The following TYMP variants were observed in gnomAD, a reference collection of about 807,000 sequenced individuals.
The protein encoded by TYMP is thymidine phosphorylase.
A neutral mutation model predicts 42.3 loss-of-function variants in TYMP; 46 were observed. The observed-to-expected ratio is 1.09, with a 90% CI of 0.86 to 1.39. The LOEUF (loss-of-function observed/expected upper bound fraction) is 1.39. TYMP is among the 40% of genes most tolerant of loss of function. TYMP has a pLI of 0.00. For synonymous variants in TYMP, 363 were observed against 308.0 expected, an observed-to-expected ratio of 1.18 and a Z score of -1.87; for missense variants, 837 against 677.6, an observed-to-expected ratio of 1.24 and a Z score of -2.61.
At chr22:50,528,634 C>T (rs781276243) in intron 3 of TYMP, 24 bp from the exon 4 acceptor site, 12 of 1,574,912 alleles carry the variant, frequency 7.6e-6, no homozygotes, top group East Asian at 4.5e-5. Context: ...ATGCTGAGTA[C>T]CCTGCACAGT....
intron 6 of TYMP, 124 bp downstream of exon 6, chr22:50,527,041 G>C: frequency 1.2e-6 from 1 of 848,504 alleles, no homozygotes; most frequent in Non-Finnish European, 2.0e-6. Flanking sequence ...ACTTCGGGCA[G>C]AAGAGGGTGG....
chr22:50,529,034 T>A (rs1241630402), intron 3 of TYMP, 102 bp downstream of exon 3: 1 of 1,228,682 alleles, frequency 8.1e-7, no homozygotes, highest in Non-Finnish European at 1.2e-6. Flanking sequence ...GGTAGGGTCT[T>A]GGAGGCTTTG....
In TYMP at chr22:50,528,606, G is replaced by A; in HGVS notation, c.422C>T (p.Pro141Leu). The stretch of plus-strand genomic sequence containing the variant: ...CCCCAGACCACGTCCGCTGATCATT[G>A]GCACCTGGTGGTCAGGGATGCTGAG... Reference protein sequence around the residue: ...PALAACGCKVPMISGRGLGHT... With the variant: ...PALAACGCKVLMISGRGLGHT... The change falls in exon 4 of 10, where the codon CCA becomes CTA. Residue 141 changes from proline (P) to leucine (L), a missense_variant. By Grantham distance (98) the Pro-to-Leu change is moderately conservative. Coordinates refer to ENST00000252029, the MANE Select transcript of TYMP (RefSeq NM_001953.5). 6.2e-7 allele frequency: 1 copy of A among 1,613,152 alleles called. No homozygotes were observed. Among genetic ancestry groups the A allele is most frequent in the Non-Finnish European group, 8.5e-7 (1 of 1,179,630 alleles).
rs2069478315 is a variant in TYMP at position 50,528,569 on chromosome 22, G to T, written c.459C>A (p.Gly153=). Residue 153 remains glycine, a synonymous_variant, in exon 4 of 10, where the codon GGC becomes GGA. Transcript: ENST00000252029. ...GAATAGACTCCAGCTTATCCAAGGTGCCTCCTGTGTGCCCCAGACCACGTC... is the reference window on the plus strand; with the variant it reads ...GAATAGACTCCAGCTTATCCAAGGTTCCTCCTGTGTGCCCCAGACCACGTC... ...ISGRGLGHTG[G]TLDKLESIPG... 2.5e-6 allele frequency: 4 copies of T among 1,613,838 alleles called. No individual in the cohort carries two copies. Among genetic ancestry groups the T allele is most frequent in the Admixed American group, 1.7e-5 (1 of 60,004 alleles).
At chr22:50,527,515 G>GA (rs1569522400) in intron 5 of TYMP, 73 bp downstream of exon 5, 2 of 1,609,402 alleles carry the variant, frequency 1.2e-6, no homozygotes, top group Admixed American at 3.3e-5. Flanking sequence ...AACTCCTAAC[G>GA]AGAGGCCCTT....
Position 50,527,660 on chromosome 22 carries a change from C to T in TYMP, c.574G>A (p.Val192Ile). ...GCATATAGGATTCCGTCCGCAGGAA[C>T]CAGCTGCTCACTCTGACCCACGATA... is the stretch of plus-strand genomic sequence containing the variant. ...CCIVGQSEQLVPADGILYAAR... is the reference protein window; with the variant it reads ...CCIVGQSEQLIPADGILYAAR... Residue 192 changes from valine (V) to isoleucine (I), a missense_variant, in exon 5 of 10, where the codon GTT (valine) becomes ATT (isoleucine). Transcript: ENST00000252029. 3 of 1,613,962 alleles carry T rather than the reference C, an allele frequency of 1.9e-6. No homozygotes were observed. The highest frequency in any genetic ancestry group is 1.7e-5 in the Admixed American group (1 of 60,026).
chr22:50,527,527 A>C, intron 5 of TYMP, 61 bp downstream of exon 5: 1 of 1,613,266 alleles, frequency 6.2e-7, no homozygotes, highest in East Asian at 2.2e-5. Flanking sequence ...GAGGCCCTTG[A>C]CTTGAGTTTG....
intron 4 of TYMP, 184 bp downstream of exon 4, chr22:50,528,328 T>C (rs1476653867): frequency 7.4e-6 from 5 of 675,262 alleles, no homozygotes; most frequent in Non-Finnish European, 1.3e-5. Flanking sequence ...TTTGACCAAC[T>C]TCCCATTTTA....
intron 8 of TYMP, 48 bp from the exon 9 acceptor site, chr22:50,526,189 C>G (rs113802488): frequency 6.8e-7 from 1 of 1,478,060 alleles, no homozygotes; most frequent in Non-Finnish European, 8.9e-7. Context: ...GGGGCGGGGC[C>G]TCGGGAAGGG....
At chr22:50,525,969 T>G in intron 9 of TYMP, 32 bp downstream of exon 9, 1 of 1,372,780 alleles carries the variant, frequency 7.3e-7, no homozygotes. Context: ...TGGGCGGGGG[T>G]GCGGGGCCAG....
chr22:50,525,943 G>A (rs1217932752), intron 9 of TYMP, 25 bp from the exon 10 acceptor site: 2 of 1,426,842 alleles, frequency 1.4e-6, no homozygotes, highest in Non-Finnish European at 1.8e-6. Flanking sequence ...GCTGTTAGAG[G>A]CCGCGCGGCC....
chr22:50,527,285 T>G lies in TYMP; in HGVS notation c.647-2A>C. On this transcript the variant is annotated splice_acceptor_variant, in intron 5 of 9. Coordinates refer to ENST00000252029, the MANE Select transcript of TYMP (RefSeq NM_001953.5). LOFTEE classifies it high-confidence loss of function. ...CGAGTTTCTTACTGAGAATGGAGGC[T>G]TTGGGGGAGGCAGAGGAGGTTGGAG... 1 of 1,608,254 alleles carries G rather than the reference T, an allele frequency of 6.2e-7. No individual in the cohort carries two copies. Among genetic ancestry groups the G allele is most frequent in the Non-Finnish European group, 8.5e-7 (1 of 1,175,142 alleles).
chr22:50,526,269 T>C lies in TYMP; in HGVS notation c.1136A>G (p.Glu379Gly), dbSNP rs1326787456. ...RQLLPRAREQ[E>G]ELLAPADGTV... ...ACCATCTGCGGGCGCCAGCAGCTCC[T>C]CCTGCTCCCGGGCGCGAGGCAGCAG... Residue 379 changes from glutamate (E) to glycine (G), a missense_variant, in exon 8 of 10, where the codon GAG (glutamate) becomes GGG (glycine). Transcript: ENST00000252029. The C allele has an allele frequency of 3.2e-6, 5 of 1,541,476 alleles. No individual in the cohort carries two copies. In the African/African-American group the frequency reaches 5.7e-5, roughly 17 times the overall value.
In TYMP at chr22:50,528,403, C is replaced by T. The variant is rs911129584; in HGVS notation, c.516+109G>A. On this transcript the variant is annotated intron_variant, in intron 4 of 9. Coordinates refer to ENST00000252029, the MANE Select transcript of TYMP (RefSeq NM_001953.5). ...CCCAGTGACTCATGAGTAACCTTGA[C>T]CAGTGTTCTCATTAGTGACCCTAAT... is the stretch of plus-strand genomic sequence containing the variant. 1.2e-5 allele frequency: 11 copies of T among 952,648 alleles called. No homozygotes were observed. In the African/African-American group the frequency reaches 1.3e-4, roughly 11 times the overall value. The allele number at this position is 952,648 out of a possible 1,614,324, so 59.0% of individuals were successfully genotyped here.
At chr22:50,526,782 TCTG>T in intron 6 of TYMP, 44 bp from the exon 7 acceptor site, 1 of 1,525,158 alleles carries the variant, frequency 6.6e-7, no homozygotes, top group South Asian at 1.2e-5. Context: ...GGCGGGGCCT[TCTG>T]CAGCCGGTTC....
chr22:50,529,260 G>C lies in TYMP; in HGVS notation c.293C>G (p.Ser98Trp), dbSNP rs758303113. 1.9e-6 allele frequency: 3 copies of C among 1,613,158 alleles called. No homozygotes were observed. The highest frequency in any genetic ancestry group is 2.7e-5 in the African/African-American group (2 of 74,940). The change falls in exon 3 of 10, where the codon TCG becomes TGG. Residue 98 changes from serine to tryptophan, a missense_variant. By Grantham distance (177) the Ser-to-Trp change is radical (BLOSUM62 -3). Coordinates refer to ENST00000252029, the MANE Select transcript of TYMP (RefSeq NM_001953.5). ...TSVLTQALAQSGQQLEWPEAW... is the reference protein window; with the variant it reads ...TSVLTQALAQWGQQLEWPEAW... ...CTCTGGCCACTCCAGCTGCTGTCCC[G>C]ACTGAGCCAGGGCCTGGGTCAGCAC...
In TYMP at chr22:50,529,944, A is replaced by G. The variant is rs895613086; in HGVS notation, c.-51T>C. 1.7e-6 allele frequency: 1 copy of G among 585,636 alleles called. No individual in the cohort carries two copies. Among genetic ancestry groups the G allele is most frequent in the Non-Finnish European group, 3.0e-6 (1 of 329,036 alleles). The allele number at this position is 585,636 out of a possible 1,614,324, so 36.3% of individuals were successfully genotyped here. ...CCCTCGCCCGCTTGCTCCGGATCCC[A>G]GCCCAGGTACCCGGCCTCGCCCGCG... On this transcript the variant is annotated 5_prime_UTR_variant, in exon 1 of 10. Coordinates refer to ENST00000252029, the MANE Select transcript of TYMP (RefSeq NM_001953.5).
chr22:50,529,747 T>G (rs1323521071), intron 1 of TYMP, 28 bp from the exon 2 acceptor site: 1 of 1,575,608 alleles, frequency 6.3e-7, no homozygotes, highest in Non-Finnish European at 8.6e-7. Context: ...ACGTCCGGGG[T>G]CTGCGGCCTC....
At position 50,529,629 on chromosome 22, in the gene TYMP, G is replaced by A; in HGVS notation, c.81C>T (p.Pro27=). The change falls in exon 2 of 10, where the codon CCC becomes CCT. Residue 27 remains proline, a synonymous_variant. Coordinates refer to ENST00000252029, the MANE Select transcript of TYMP (RefSeq NM_001953.5). The part of the protein sequence containing the change: ...DFSGEGSQGL[P]DPSPEPKQLP... Reference sequence around the variant, plus strand: ...GCTGCTTGGGCTCTGGCGAAGGGTCGGGAAGTCCCTGGCTCCCTTCCCCGG... The same window carrying A: ...GCTGCTTGGGCTCTGGCGAAGGGTCAGGAAGTCCCTGGCTCCCTTCCCCGG... 6.2e-7 allele frequency: 1 copy of A among 1,612,622 alleles called. No homozygotes were observed. The highest frequency in any genetic ancestry group is 1.1e-5 in the South Asian group (1 of 90,954).
Sources: gnomAD v4.1 joint callset for allele counts on GRCh38, gnomAD v4.1.1 for gene constraint, MANE v1.5 for transcripts, NCBI Gene and HGNC (gene_info 2026-07-23, HGNC 2026-07-21) for gene names.